Variants in PRKD3 observed in about 807,000 individuals in gnomAD.
PRKD3 encodes the protein protein kinase D3, also known as serine/threonine-protein kinase D3.
A neutral mutation model predicts 99.2 loss-of-function variants in PRKD3; 47 were observed. The observed-to-expected ratio is 0.47, with a 90% CI of 0.38 to 0.60. The LOEUF (loss-of-function observed/expected upper bound fraction) is 0.60, where lower values mean the gene tolerates loss of function less well. Among genes scored for constraint, PRKD3 ranks in the 20% least tolerant of loss-of-function variants. The pLI is 0.00. For missense variants in PRKD3, 1,019 were observed against 1,088.4 expected (o/e 0.94, Z 0.90); for synonymous variants, 392 against 355.4 (o/e 1.10, Z -1.16).
chr2:37,267,360 AAAG>A (rs1668915759), intron 14 of PRKD3, 67 bp downstream of exon 14: 3 of 1,130,572 alleles, frequency 2.7e-6, no homozygotes, highest in East Asian at 2.5e-5. Context: ...AAAAAAAAAA[AAAG>A]AGAAGCAGTT....
chr2:37,306,453 T>C (rs761490637), intron 2 of PRKD3, among the ~76,000 whole-genome samples: 1 of 152,200 alleles, frequency 6.6e-6, no homozygotes, highest in African/African-American at 2.4e-5. Flanking sequence ...GAACTTTTTA[T>C]ATATATAGGT....
intron 14 of PRKD3, among the ~76,000 whole-genome samples, chr2:37,262,069 T>C (rs991543304): frequency 6.6e-6 from 1 of 152,212 alleles, no homozygotes; most frequent in Non-Finnish European, 1.5e-5. Context: ...GGTATTTTTA[T>C]CTACTTAGTT....
chr2:37,297,480 T>A (rs1465658614), intron 2 of PRKD3, among the ~76,000 whole-genome samples: 1 of 152,172 alleles, frequency 6.6e-6, no homozygotes, highest in Non-Finnish European at 1.5e-5. Flanking sequence ...AATAACCCAA[T>A]ATCCATACAT....
At chr2:37,273,892 CATG>C (rs2148537933) in intron 11 of PRKD3, among the ~76,000 whole-genome samples, 1 of 152,260 alleles carries the variant, frequency 6.6e-6, no homozygotes, top group Admixed American at 6.5e-5. Flanking sequence ...TGGTGCAAAA[CATG>C]TTTCAGTGAT....
chr2:37,315,476 C>A (rs1671617261), intron 2 of PRKD3, among the ~76,000 whole-genome samples: 2 of 151,988 alleles, frequency 1.3e-5, no homozygotes, highest in Non-Finnish European at 2.9e-5. Flanking sequence ...TCTTCCTAAA[C>A]AAGATCTAAA....
chr2:37,316,659 A>C lies in PRKD3; in HGVS notation c.-135T>G. On this transcript the variant is annotated 5_prime_UTR_variant, in exon 2 of 19. Transcript: ENST00000234179. The stretch of plus-strand genomic sequence containing the variant: ...GAAAACTTCTTTATTTCCTCTGTTA[A>C]GCCACTCATGCCGATACTTTTAAGT... 6.9e-7 allele frequency: 1 copy of C among 1,452,960 alleles called. No homozygotes were observed. Among genetic ancestry groups the C allele is most frequent in the South Asian group, 1.5e-5 (1 of 67,244 alleles). 90.0% of individuals were successfully genotyped at this position (1,452,960 alleles called of 1,614,324 possible).
intron 14 of PRKD3, among the ~76,000 whole-genome samples, chr2:37,263,720 G>A (rs1668634237): frequency 6.6e-6 from 1 of 152,182 alleles, no homozygotes; most frequent in South Asian, 2.1e-4. Flanking sequence ...AAGGGCTGCA[G>A]ATTTCAGAAA....
rs150227925 is a variant in PRKD3, at chr2:37,272,018, C to T, written c.1704+362G>A. ...TGAAAGGTTGTTCCCCAACCCTCAT[C>T]CATTCAGCACTTCTGTCAGTAATCC... On this transcript the variant is annotated intron_variant, in intron 12 of 18. Coordinates refer to ENST00000234179, the MANE Select transcript of PRKD3 (RefSeq NM_005813.6). 5.1e-3 allele frequency among the ~76,000 whole-genome samples: 780 copies of T among 152,278 alleles called. 6 individuals are homozygous for T. The highest frequency in any genetic ancestry group is 7.0e-3 in the Non-Finnish European group (474 of 68,024).
At chr2:37,312,893 C>A (rs538606780) in intron 2 of PRKD3, among the ~76,000 whole-genome samples, 2 of 152,248 alleles carry the variant, frequency 1.3e-5, no homozygotes, top group African/African-American at 4.8e-5. Flanking sequence ...TAGGAGCAAT[C>A]GTTCACTATT....
At chr2:37,319,480 AAAGG>A (rs2124908285) in intron 1 of PRKD3, among the ~76,000 whole-genome samples, 1 of 152,344 alleles carries the variant, frequency 6.6e-6, no homozygotes, top group Admixed American at 6.5e-5. Context: ...ACTGAAACTT[AAAGG>A]TAAGTGTAAA....
At chr2:37,254,528 C>T (rs1667779748) in intron 17 of PRKD3, among the ~76,000 whole-genome samples, 1 of 152,130 alleles carries the variant, frequency 6.6e-6, no homozygotes, top group Non-Finnish European at 1.5e-5. Context: ...AAAGTATATA[C>T]TCTGGAACCT....
intron 2 of PRKD3, among the ~76,000 whole-genome samples, chr2:37,311,362 G>A (rs1213141939): frequency 6.6e-6 from 1 of 152,058 alleles, no homozygotes; most frequent in Non-Finnish European, 1.5e-5. Flanking sequence ...TTTGACATTT[G>A]CTCATCTTCT....
chr2:37,263,800 T>C (rs1668639946), intron 14 of PRKD3, among the ~76,000 whole-genome samples: 1 of 152,204 alleles, frequency 6.6e-6, no homozygotes, highest in South Asian at 2.1e-4. Context: ...TTCACTGTTG[T>C]TGGAAATCTA....
intron 5 of PRKD3, among the ~76,000 whole-genome samples, chr2:37,288,013 G>A (rs1432211666): frequency 1.3e-5 from 2 of 152,174 alleles, no homozygotes; most frequent in South Asian, 2.1e-4. Flanking sequence ...AACCAATTCA[G>A]ACATGTAACT....
In PRKD3 at chr2:37,289,079, T is replaced by TAA. The variant is rs1572670231; in HGVS notation, c.717+276_717+277insTT. On this transcript the variant is annotated intron_variant, in intron 5 of 18. Coordinates refer to ENST00000234179, the MANE Select transcript of PRKD3 (RefSeq NM_005813.6). ...AAAAAAACAAAAATTAAAAAAAAAA[T>TAA]TAAAAAAAAAAAAGATTTAAGTATG... Among the ~76,000 whole-genome samples, 19 of 97,740 alleles carry TAA rather than the reference T, an allele frequency of 1.9e-4. No homozygotes were observed. In the East Asian group the frequency reaches 3.4e-3, roughly 17 times the overall value. The allele number at this position is 97,740 out of a possible 152,430, so 64.1% of individuals were successfully genotyped here.
In PRKD3 at chr2:37,316,841, G is replaced by A. The variant is rs1006323898; in HGVS notation, c.-317C>T. 1.3e-5 allele frequency: 14 copies of A among 1,112,400 alleles called. No homozygotes were observed. The highest frequency in any genetic ancestry group is 1.2e-4 in the East Asian group (2 of 16,426). 68.9% of individuals were successfully genotyped at this position (1,112,400 alleles called of 1,614,324 possible). A position where few individuals can be genotyped will look rare whatever the true frequency, so the allele number is the denominator to read the frequency against. On this transcript the variant is annotated 5_prime_UTR_variant, in exon 2 of 19. Transcript: ENST00000234179. ...GATAGAGTTGACGTAGCTTATTTAC[G>A]AATCTATTTTCCTTTCAGTCTGTAC...
intron 2 of PRKD3, among the ~76,000 whole-genome samples, chr2:37,301,803 T>G (rs1188665836): frequency 6.6e-6 from 1 of 152,208 alleles, no homozygotes; most frequent in Non-Finnish European, 1.5e-5. Context: ...GTTTAAGTAA[T>G]TGTCAGGAAT....
intron 1 of PRKD3, among the ~76,000 whole-genome samples, chr2:37,321,028 A>G (rs1335004638): frequency 6.6e-6 from 1 of 152,240 alleles, no homozygotes; most frequent in Non-Finnish European, 1.5e-5. Context: ...GGTGAAAAAT[A>G]TTAAAACTAA....
rs868531200 is a variant in PRKD3 at position 37,260,452 on chromosome 2, G to A, written c.1885-68C>T. The A allele has an allele frequency of 6.2e-5, 85 of 1,377,808 alleles. 1 individual carries two copies. In the Middle Eastern group the frequency reaches 1.1e-3, roughly 17 times the overall value. 85.3% of individuals were successfully genotyped at this position (1,377,808 alleles called of 1,614,324 possible). On this transcript the variant is annotated intron_variant, in intron 14 of 18. Coordinates refer to ENST00000234179, the MANE Select transcript of PRKD3 (RefSeq NM_005813.6). The stretch of plus-strand genomic sequence containing the variant: ...AACAGTTTTACTAATATCTAGATGT[G>A]CTATGATTGTCTGAAATGGCACAGA...
Sources: allele counts gnomAD v4.1 joint callset (sites outside exome capture counted in the v4.1 genomes callset), GRCh38; gene constraint gnomAD v4.1.1; transcripts MANE v1.5; gene names NCBI Gene and HGNC (gene_info 2026-07-23, HGNC 2026-07-21).